TASP1: variants seen among roughly 807,000 people sequenced by gnomAD.
The protein encoded by TASP1 is threonine aspartase 1.
A neutral mutation model predicts 56.6 loss-of-function variants in TASP1; 16 were observed. That is an observed-to-expected ratio of 0.28 (90% confidence interval 0.19 to 0.43). TASP1 has a LOEUF of 0.43. Among genes scored for constraint, TASP1 ranks in the 20% least tolerant of loss-of-function variants. TASP1 has a pLI of 1.00. For synonymous variants in TASP1, 179 were observed against 184.2 expected, an observed-to-expected ratio of 0.97 and a Z score of 0.23; for missense variants, 393 against 511.6, an observed-to-expected ratio of 0.77 and a Z score of 2.24.
intron 10 of TASP1, among the ~76,000 whole-genome samples, chr20:13,487,158 CAG>C (rs2146538820): frequency 6.6e-6 from 1 of 152,308 alleles, no homozygotes; most frequent in African/African-American, 2.4e-5. Flanking sequence ...CAAAGGCTGG[CAG>C]AAGATACCTG....
the TASP1 span, among the ~76,000 whole-genome samples, chr20:13,162,280 G>A: frequency 6.6e-6 from 1 of 152,200 alleles, no homozygotes; most frequent in Non-Finnish European, 1.5e-5. Context: ...GAGATGGCAG[G>A]AGGGACACAC....
At chr20:13,222,624 G>A in the TASP1 span, among the ~76,000 whole-genome samples, 2 of 152,126 alleles carry the variant, frequency 1.3e-5, no homozygotes, top group Non-Finnish European at 2.9e-5. Flanking sequence ...GATCTTCCCC[G>A]TTGAAGGTCG....
chr20:13,373,083 TTTC>T, the TASP1 span, among the ~76,000 whole-genome samples: 1 of 152,018 alleles, frequency 6.6e-6, no homozygotes, highest in Non-Finnish European at 1.5e-5. Context: ...TTCTATGTGC[TTTC>T]TTATTTATCA....
chr20:13,299,620 GC>G, the TASP1 span: 1 of 721,924 alleles, frequency 1.4e-6, no homozygotes, highest in Non-Finnish European at 2.2e-6. This position sits in a 1 kb window ranked among gnomAD's most constrained non-coding sequence, Gnocchi z 5.8. Flanking sequence ...CGTGTGCCAC[GC>G]CCAGGGGACT....
the TASP1 span, among the ~76,000 whole-genome samples, chr20:13,322,131 C>T: frequency 2.0e-5 from 3 of 152,080 alleles, no homozygotes; most frequent in African/African-American, 7.2e-5. Context: ...TTTTTAATGT[C>T]GTAAAGAGAT....
At chr20:13,354,383 G>C in the TASP1 span, among the ~76,000 whole-genome samples, 1 of 152,158 alleles carries the variant, frequency 6.6e-6, no homozygotes, top group Non-Finnish European at 1.5e-5. Context: ...TTGAAGTAAA[G>C]AGAAGATCCT....
chr20:13,480,547 T>TTA (rs1379360335), intron 11 of TASP1, among the ~76,000 whole-genome samples: 7 of 152,282 alleles, frequency 4.6e-5, no homozygotes, highest in African/African-American at 1.7e-4. Context: ...TCAATATGTA[T>TTA]TAGGTAATGG....
At chr20:13,258,574 T>A in the TASP1 span, among the ~76,000 whole-genome samples, 1 of 152,184 alleles carries the variant, frequency 6.6e-6, no homozygotes, top group Non-Finnish European at 1.5e-5. Context: ...ACATGTTCTC[T>A]GTTGAACATC....
intron 13 of TASP1, chr20:13,392,614 G>A: frequency 2.7e-6 from 1 of 376,582 alleles, no homozygotes; most frequent in Non-Finnish European, 5.1e-6. Flanking sequence ...GAATCTTAAG[G>A]CACCCTGCTC....
At chr20:13,364,076 A>G in the TASP1 span, among the ~76,000 whole-genome samples, 1 of 152,212 alleles carries the variant, frequency 6.6e-6, no homozygotes, top group East Asian at 1.9e-4. Context: ...GCACTAAAAA[A>G]GAGGGATTTA....
At chr20:13,395,765 G>A (rs190609035) in intron 13 of TASP1, among the ~76,000 whole-genome samples, 4 of 150,026 alleles carry the variant, frequency 2.7e-5, no homozygotes, top group East Asian at 2.0e-4. Flanking sequence ...GCAGTGGCGC[G>A]ATCTCAGCTC....
intron 1 of TASP1, among the ~76,000 whole-genome samples, chr20:13,631,165 G>A (rs1301196317): frequency 2.6e-5 from 4 of 151,756 alleles, no homozygotes; most frequent in African/African-American, 9.7e-5. Context: ...CTTAATTCTT[G>A]GTTTAAGAGT....
intron 10 of TASP1, among the ~76,000 whole-genome samples, chr20:13,488,961 C>A (rs1470737715): frequency 1.3e-5 from 2 of 152,190 alleles, no homozygotes; most frequent in African/African-American, 4.8e-5. Flanking sequence ...GCTGCTCTCA[C>A]TTCATCAAAC....
At chr20:13,221,196 C>G in the TASP1 span, among the ~76,000 whole-genome samples, 1 of 144,470 alleles carries the variant, frequency 6.9e-6, no homozygotes, top group African/African-American at 2.5e-5. Flanking sequence ...GAGGTAACTC[C>G]CGGCCGCAGC....
intron 8 of TASP1, among the ~76,000 whole-genome samples, chr20:13,542,881 T>C (rs997012980): frequency 1.3e-5 from 2 of 148,700 alleles, no homozygotes; most frequent in Non-Finnish European, 3.0e-5. Flanking sequence ...GAAGAAAAAA[T>C]TAATAAGCTA....
intron 10 of TASP1, among the ~76,000 whole-genome samples, chr20:13,513,156 C>T (rs543783159): frequency 2.0e-5 from 3 of 152,192 alleles, no homozygotes; most frequent in South Asian, 2.1e-4. Flanking sequence ...CAATGAGGAA[C>T]AAGTCAGTCA....
the TASP1 span, among the ~76,000 whole-genome samples, chr20:13,175,795 TC>T: frequency 6.6e-6 from 1 of 152,310 alleles, no homozygotes; most frequent in East Asian, 1.9e-4. Flanking sequence ...CCACTGAGAT[TC>T]TACAGAAGAT....
At chr20:13,378,744 A>G in the TASP1 span, among the ~76,000 whole-genome samples, 1 of 152,126 alleles carries the variant, frequency 6.6e-6, no homozygotes, top group East Asian at 1.9e-4. Flanking sequence ...TTACTTTATG[A>G]ATCTGGGTGC....
chr20:13,567,937 GA>G (rs1176667406), intron 7 of TASP1, among the ~76,000 whole-genome samples: 2 of 151,814 alleles, frequency 1.3e-5, no homozygotes, highest in African/African-American at 2.4e-5. Flanking sequence ...GTCTCCAAGG[GA>G]AAAAAAGGGA....
Sources: gnomAD v4.1 joint callset for allele counts (sites outside exome capture counted in the v4.1 genomes callset) on GRCh38, gnomAD v4.1.1 for gene constraint, Gnocchi (gnomAD v3.1) non-coding constraint, MANE v1.5 for transcripts, NCBI Gene and HGNC (gene_info 2026-07-23, HGNC 2026-07-21) for gene names.